The following SLC35D2 variants were observed in gnomAD, a reference collection of about 807,000 sequenced individuals.
SLC35D2 encodes nucleotide sugar transporter SLC35D2.
A neutral mutation model predicts 41.8 loss-of-function variants in SLC35D2; 43 were observed. The observed-to-expected ratio is 1.03, with a 90% CI of 0.81 to 1.33. SLC35D2 has a LOEUF of 1.33. SLC35D2 is among the 40% of genes most tolerant of loss of function. The probability of loss-of-function intolerance (pLI) is 0.00; values close to 1 mark genes in which losing one functional copy is unlikely to be tolerated. For synonymous variants in SLC35D2, 150 were observed against 163.9 expected (o/e 0.92, Z 0.65); for missense variants, 380 against 408.4 (o/e 0.93, Z 0.60).
chr9:96,350,114 G>T (rs747470062), intron 6 of SLC35D2, among the ~76,000 whole-genome samples: 1 of 152,022 alleles, frequency 6.6e-6, no homozygotes, highest in African/African-American at 2.4e-5. Flanking sequence ...CAGATGACAC[G>T]TAAGTAATAA....
At chr9:96,324,546 G>A (rs1828418945) in intron 9 of SLC35D2, among the ~76,000 whole-genome samples, 1 of 109,944 alleles carries the variant, frequency 9.1e-6, no homozygotes, top group Non-Finnish European at 1.9e-5. Context: ...ATCGCCTGCT[G>A]CACTTTTTTT....
intron 11 of SLC35D2, among the ~76,000 whole-genome samples, chr9:96,315,434 C>CTTTT (rs35644020): frequency 7.6e-6 from 1 of 132,020 alleles, no homozygotes; most frequent in South Asian, 2.4e-4. Context: ...CCTTCACAGA[C>CTTTT]TTTTTTTTTT....
intron 9 of SLC35D2, among the ~76,000 whole-genome samples, chr9:96,336,136 T>C (rs1214404012): frequency 2.6e-5 from 4 of 152,012 alleles, no homozygotes; most frequent in African/African-American, 4.8e-5. Flanking sequence ...CATCTCTCTT[T>C]AGAAATTTTC....
intron 3 of SLC35D2, among the ~76,000 whole-genome samples, chr9:96,363,637 C>T (rs1830369124): frequency 6.6e-6 from 1 of 152,182 alleles, no homozygotes; most frequent in Admixed American, 6.5e-5. Flanking sequence ...CTGCGTATTT[C>T]TATGTATATC....
At chr9:96,344,622 T>C (rs571090885) in intron 7 of SLC35D2, among the ~76,000 whole-genome samples, 1 of 142,538 alleles carries the variant, frequency 7.0e-6, no homozygotes, top group African/African-American at 2.7e-5. Flanking sequence ...ATAAGCCTGT[T>C]GGTCAGAGTG....
At chr9:96,331,556 T>C (rs1027081703) in intron 9 of SLC35D2, among the ~76,000 whole-genome samples, 16 of 152,058 alleles carry the variant, frequency 1.1e-4, no homozygotes, top group African/African-American at 3.9e-4. Flanking sequence ...TACTGAAGTC[T>C]TCAAAATTCT....
chr9:96,373,147 G>A (rs1423637343), intron 1 of SLC35D2, among the ~76,000 whole-genome samples: 6 of 151,918 alleles, frequency 3.9e-5, no homozygotes, highest in Admixed American at 6.6e-5. Flanking sequence ...TGATCCACCC[G>A]CCTTGGCCTG....
intron 9 of SLC35D2, among the ~76,000 whole-genome samples, chr9:96,331,055 G>A (rs1427088726): frequency 3.3e-5 from 5 of 152,196 alleles, no homozygotes; most frequent in East Asian, 3.9e-4. Flanking sequence ...ACACTACCAC[G>A]CCCCGCTGAT....
At chr9:96,333,183 C>T (rs1828887939) in intron 9 of SLC35D2, among the ~76,000 whole-genome samples, 1 of 151,116 alleles carries the variant, frequency 6.6e-6, no homozygotes, top group Non-Finnish European at 1.5e-5. Context: ...AGGCATGAGC[C>T]ACTGCGCCTG....
At chr9:96,329,188 CAT>C (rs1828691400) in intron 9 of SLC35D2, among the ~76,000 whole-genome samples, 1 of 151,692 alleles carries the variant, frequency 6.6e-6, no homozygotes, top group African/African-American at 2.4e-5. Flanking sequence ...TACACACACA[CAT>C]ATACATATAT....
At chr9:96,372,064 T>C (rs1441124958) in intron 1 of SLC35D2, among the ~76,000 whole-genome samples, 4 of 152,182 alleles carry the variant, frequency 2.6e-5, no homozygotes, top group African/African-American at 9.6e-5. Context: ...GCTATGGCAA[T>C]ACCCATCTAA....
At chr9:96,383,413 G>A in intron 1 of SLC35D2, 64 bp downstream of exon 1, 2 of 1,372,088 alleles carry the variant, frequency 1.5e-6, no homozygotes, top group Non-Finnish European at 1.9e-6. Flanking sequence ...CGCCGCTGAA[G>A]CGCACGGAGG....
At chr9:96,329,892 T>C (rs112630813) in intron 9 of SLC35D2, among the ~76,000 whole-genome samples, 8 of 152,174 alleles carry the variant, frequency 5.3e-5, no homozygotes, top group African/African-American at 1.9e-4. Context: ...AGTATAGATA[T>C]ATGAGAGGGG....
intron 9 of SLC35D2, among the ~76,000 whole-genome samples, chr9:96,330,968 G>A (rs905533965): frequency 1.3e-5 from 2 of 152,122 alleles, no homozygotes; most frequent in African/African-American, 4.8e-5. Flanking sequence ...CACAGCCTCG[G>A]CTCACTGCAA....
chr9:96,381,708 TTC>T (rs1266234240), intron 1 of SLC35D2, among the ~76,000 whole-genome samples: 1 of 152,204 alleles, frequency 6.6e-6, no homozygotes, highest in African/African-American at 2.4e-5. Flanking sequence ...CTCTTTTCAC[TTC>T]TCTTTCCCAA....
chr9:96,328,840 C>T (rs72603667), intron 9 of SLC35D2, among the ~76,000 whole-genome samples: 20,247 of 152,010 alleles, frequency 0.13, 1,804 homozygotes, highest in East Asian at 0.29. Context: ...CCAAGGAACC[C>T]CATCCTCACC....
chr9:96,345,601 C>T lies in SLC35D2; in HGVS notation c.489-200G>A, dbSNP rs183040339. ...GCCCATCAGATGGCTTCGACTCAAT[C>T]GTGAATGGCTTAAAACCAGAGCGAC... On this transcript the variant is annotated intron_variant, in intron 6 of 11. Transcript: ENST00000253270. Among the ~76,000 whole-genome samples the T allele has an allele frequency of 2.6e-5, 4 of 152,322 alleles. No homozygotes were observed. In the East Asian group the frequency reaches 7.7e-4, roughly 29 times the overall value.
At chr9:96,342,890 C>T (rs1266418616) in intron 8 of SLC35D2, among the ~76,000 whole-genome samples, 1 of 152,178 alleles carries the variant, frequency 6.6e-6, no homozygotes, top group Non-Finnish European at 1.5e-5. Context: ...TGGTGGGCAA[C>T]ATACACCCAT....
intron 1 of SLC35D2, among the ~76,000 whole-genome samples, chr9:96,372,843 C>A (rs1269468548): frequency 6.6e-6 from 1 of 150,726 alleles, no homozygotes; most frequent in Non-Finnish European, 1.5e-5. Context: ...ACCTCTGCCT[C>A]CCAAAGTGCT....
Sources: gnomAD v4.1 joint callset for allele counts (sites outside exome capture counted in the v4.1 genomes callset) on GRCh38, gnomAD v4.1.1 for gene constraint, MANE v1.5 for transcripts, NCBI Gene and HGNC (gene_info 2026-07-23, HGNC 2026-07-21) for gene names.